Variants in CD72 observed in about 807,000 individuals in gnomAD.
The protein encoded by CD72 is CD72 molecule, also known as B-cell differentiation antigen CD72.
CD72 carries 28 observed loss-of-function variants against 50.7 expected under a neutral mutation model. That is an observed-to-expected ratio of 0.55 (90% CI 0.41 to 0.76). CD72 has a LOEUF of 0.76. Ranked by LOEUF, CD72 falls within the 30% of genes least tolerant of loss-of-function variation. The pLI, the probability that CD72 is intolerant of heterozygous loss-of-function variation, is 0.00. For missense variants in CD72, 403 were observed against 420.6 expected, an observed-to-expected ratio of 0.96 and a Z score of 0.37; for synonymous variants, 176 against 171.2, an observed-to-expected ratio of 1.03 and a Z score of -0.22.
chr9:35,614,877 A>G (rs956571691), intron 5 of CD72, among the ~76,000 whole-genome samples: 3 of 152,074 alleles, frequency 2.0e-5, no homozygotes, highest in African/African-American at 4.8e-5. Context: ...TGGGCTCCAA[A>G]CCCATGTTAG....
intron 7 of CD72, among the ~76,000 whole-genome samples, chr9:35,611,042 G>A (rs1386179460): frequency 6.6e-6 from 1 of 152,144 alleles, no homozygotes; most frequent in South Asian, 2.1e-4. Flanking sequence ...ACAAGGTCAG[G>A]ACATCGAGAC....
chr9:35,620,748 G>A (rs1451863458), upstream of CD72, among the ~76,000 whole-genome samples: 4 of 151,936 alleles, frequency 2.6e-5, no homozygotes, highest in African/African-American at 4.8e-5. Flanking sequence ...GCTTGAACCC[G>A]GGAGGCAGAG....
At chr9:35,616,773 C>A in intron 3 of CD72, 84 bp from the exon 4 acceptor site, 1 of 1,233,666 alleles carries the variant, frequency 8.1e-7, no homozygotes, top group Non-Finnish European at 1.2e-6. Flanking sequence ...GGGGGAGACC[C>A]CTGGGGAAGG....
chr9:35,644,053 AAAAG>A (rs1393832756), intron 1 of CD72, among the ~76,000 whole-genome samples: 34 of 151,918 alleles, frequency 2.2e-4, no homozygotes, highest in African/African-American at 7.5e-4. Flanking sequence ...AAAAAAAAAA[AAAAG>A]AAAGAAAGGC....
intron 5 of CD72, 40 bp from the exon 6 acceptor site, chr9:35,613,033 A>G (rs372946733): frequency 2.0e-5 from 31 of 1,563,952 alleles, no homozygotes; most frequent in Non-Finnish European, 2.5e-5. Context: ...AACAGTTGGG[A>G]TGAAAGTGAC....
chr9:35,622,792 A>AAAAT (rs1554649026), upstream of CD72, among the ~76,000 whole-genome samples: 121 of 150,834 alleles, frequency 8.0e-4, no homozygotes, highest in Non-Finnish European at 1.4e-3. Flanking sequence ...GTCTCAAAAA[A>AAAAT]AATAATAATA....
intron 5 of CD72, among the ~76,000 whole-genome samples, chr9:35,614,404 C>T (rs1198735303): frequency 6.6e-6 from 1 of 152,060 alleles, no homozygotes; most frequent in African/African-American, 2.4e-5. Flanking sequence ...GATATCCTTG[C>T]AAAAGATGAG....
chr9:35,628,869 TC>T (rs1220157074), intron 1 of CD72, among the ~76,000 whole-genome samples: 1 of 152,146 alleles, frequency 6.6e-6, no homozygotes, highest in Non-Finnish European at 1.5e-5. Context: ...GTAAGTGGTA[TC>T]TTTTTTTGTT....
intron 3 of CD72, chr9:35,616,935 A>T: frequency 7.2e-7 from 1 of 1,383,834 alleles, no homozygotes; most frequent in Non-Finnish European, 9.5e-7. Context: ...GGAAGGAAAT[A>T]TCAGACGGAG....
At chr9:35,627,129 C>T (rs1454928165) in intron 1 of CD72, among the ~76,000 whole-genome samples, 13 of 149,770 alleles carry the variant, frequency 8.7e-5, no homozygotes, top group Admixed American at 2.0e-4. Context: ...TGAGCCACCA[C>T]GCCCGGCCTT....
At position 35,645,705 on chromosome 9, in the gene CD72, A is replaced by G. The variant is rs754863143; in HGVS notation, n.408+698T>C. 7.0e-4 allele frequency among the ~76,000 whole-genome samples: 106 copies of G among 152,244 alleles called. 1 individual carries two copies. The highest frequency in any genetic ancestry group is 2.6e-4 in the Non-Finnish European group (18 of 68,042). Reference sequence around the variant, plus strand: ...TGTACCCATAAAAATTAAGAATTAAAAAACACTTGGTTTCTCTCCACAACC... The same window carrying G: ...TGTACCCATAAAAATTAAGAATTAAGAAACACTTGGTTTCTCTCCACAACC... On this transcript the variant is annotated intron_variant and non_coding_transcript_variant, in intron 1 of 3. Coordinates refer to the CD72 transcript ENST00000465754.
chr9:35,630,420 T>C (rs945498148), intron 1 of CD72, among the ~76,000 whole-genome samples: 1 of 152,246 alleles, frequency 6.6e-6, no homozygotes, highest in Non-Finnish European at 1.5e-5. Flanking sequence ...TTTCTTTGCT[T>C]GTTCTTTGTT....
chr9:35,610,958 A>G (rs974865889), intron 7 of CD72, among the ~76,000 whole-genome samples: 13 of 152,206 alleles, frequency 8.5e-5, no homozygotes, highest in African/African-American at 3.1e-4. Flanking sequence ...GATCTTAAAG[A>G]TGGGAAGGCC....
At chr9:35,622,748 C>G (rs896355294), upstream of CD72, among the ~76,000 whole-genome samples, 1 of 151,796 alleles carries the variant, frequency 6.6e-6, no homozygotes, top group African/African-American at 2.4e-5. Flanking sequence ...GGTGGTGCCA[C>G]TGCACTCCAG....
chr9:35,635,601 C>A (rs967549651), intron 1 of CD72, among the ~76,000 whole-genome samples: 1 of 152,196 alleles, frequency 6.6e-6, no homozygotes, highest in Admixed American at 6.5e-5. Flanking sequence ...GCTGTCTCTG[C>A]CAGCAGGTTC....
At chr9:35,611,389 C>T (rs1024047246) in intron 7 of CD72, among the ~76,000 whole-genome samples, 8 of 152,170 alleles carry the variant, frequency 5.3e-5, no homozygotes, top group Admixed American at 1.3e-4. Flanking sequence ...ATGGTACCCC[C>T]GCTGCTCCCT....
At chr9:35,618,673 T>G, upstream of CD72, 1 of 819,888 alleles carries the variant, frequency 1.2e-6, no homozygotes, top group South Asian at 1.5e-5. Flanking sequence ...TCTGCCCTGA[T>G]CTGCCCCACC....
intron 1 of CD72, among the ~76,000 whole-genome samples, chr9:35,636,145 A>T (rs748932014): frequency 6.6e-6 from 1 of 152,012 alleles, no homozygotes; most frequent in Non-Finnish European, 1.5e-5. Flanking sequence ...AGCTGACCTG[A>T]GTTTTGTAGG....
chr9:35,646,819 A>C (rs1393035258), upstream of CD72: 1 of 152,250 alleles, frequency 6.6e-6, no homozygotes, highest in South Asian at 2.1e-4. Flanking sequence ...GCGCGTCGTC[A>C]GGGACCAGAC....
Sources: gnomAD v4.1 joint callset for allele counts (sites outside exome capture counted in the v4.1 genomes callset) on GRCh38, gnomAD v4.1.1 for gene constraint, MANE v1.5 for transcripts, NCBI Gene and HGNC (gene_info 2026-07-23, HGNC 2026-07-21) for gene names.